The following CADPS2 variants were observed in gnomAD, a reference collection of about 807,000 sequenced individuals.
The protein encoded by CADPS2 is calcium-dependent secretion activator 2.
A neutral mutation model predicts 172.5 loss-of-function variants in CADPS2; 93 were observed. The ratio of observed to expected loss-of-function variants is 0.54; its 90% confidence interval spans 0.46 to 0.64. CADPS2 has a LOEUF of 0.64. Among genes scored for constraint, CADPS2 ranks in the 30% least tolerant of loss-of-function variants. The pLI is 0.00. For synonymous variants in CADPS2, 546 were observed against 555.2 expected, an observed-to-expected ratio of 0.98 and a Z score of 0.23; for missense variants, 1,420 against 1,565.9, an observed-to-expected ratio of 0.91 and a Z score of 1.57.
chr7:122,510,719 C>A (rs2059948010), intron 9 of CADPS2, among the ~76,000 whole-genome samples: 1 of 152,142 alleles, frequency 6.6e-6, no homozygotes, highest in African/African-American at 2.4e-5. Flanking sequence ...AATAATGCAG[C>A]CTGCAGGTAT....
At chr7:122,511,387 CT>C (rs2059991483) in intron 9 of CADPS2, among the ~76,000 whole-genome samples, 1 of 152,090 alleles carries the variant, frequency 6.6e-6, no homozygotes, top group Non-Finnish European at 1.5e-5. Flanking sequence ...CAAAAGATTA[CT>C]TGGAACCTTA....
At chr7:122,534,698 A>T (rs1162616771) in intron 8 of CADPS2, among the ~76,000 whole-genome samples, 1 of 152,140 alleles carries the variant, frequency 6.6e-6, no homozygotes. Flanking sequence ...AGTAATGTAC[A>T]TCAATGGAAA....
At position 122,541,628 on chromosome 7, in the gene CADPS2, T is replaced by G. The variant is rs925973652; in HGVS notation, c.1475+12922A>C. 6.2e-5 allele frequency among the ~76,000 whole-genome samples: 9 copies of G among 146,204 alleles called. No homozygotes were observed. The South Asian group carries it at 1.9e-3, about 31-fold the overall frequency. The stretch of plus-strand genomic sequence containing the variant: ...ATATATTCACATATATCCATATATA[T>G]TTTCATATATTCATATATATTCATA... On this transcript the variant is annotated intron_variant, in intron 8 of 29. Coordinates refer to ENST00000449022, the MANE Select transcript of CADPS2 (RefSeq NM_017954.11).
At chr7:122,346,059 T>G (rs185042019) in intron 27 of CADPS2, among the ~76,000 whole-genome samples, 75 of 152,186 alleles carry the variant, frequency 4.9e-4, no homozygotes, top group Non-Finnish European at 7.1e-4. Context: ...CATCTCTGGC[T>G]GGCTTATCAA....
chr7:122,524,454 G>A (rs1161359949), intron 8 of CADPS2, among the ~76,000 whole-genome samples: 1 of 152,104 alleles, frequency 6.6e-6, no homozygotes, highest in East Asian at 1.9e-4. Context: ...GAGATACAGT[G>A]TTTTCCACAG....
At position 122,740,595 on chromosome 7, in the gene CADPS2, C is replaced by T. The variant is rs189410555; in HGVS notation, c.340-3527G>A. Among the ~76,000 whole-genome samples, 285 of 152,070 alleles carry T rather than the reference C, an allele frequency of 1.9e-3. 1 individual carries two copies. Among genetic ancestry groups the T allele is most frequent in the Non-Finnish European group, 2.1e-3 (141 of 67,958 alleles). ...ATATATGGGAAATTTCTGTACCATCCACTCAAGCTCAATTTTGTTGTGAAA... is the reference window on the plus strand; with the variant it reads ...ATATATGGGAAATTTCTGTACCATCTACTCAAGCTCAATTTTGTTGTGAAA... On this transcript the variant is annotated intron_variant, in intron 1 of 29. Transcript: ENST00000449022.
chr7:122,810,982 T>C (rs932476341), intron 1 of CADPS2, among the ~76,000 whole-genome samples: 1 of 152,230 alleles, frequency 6.6e-6, no homozygotes, highest in Non-Finnish European at 1.5e-5. Context: ...GCAACTAATA[T>C]ATTCTAGTGC....
At position 122,484,666 on chromosome 7, in the gene CADPS2, C is replaced by CT. The variant is rs34182273; in HGVS notation, c.1853-3807dup. 4.0e-3 allele frequency among the ~76,000 whole-genome samples: 581 copies of CT among 145,834 alleles called. 2 individuals carry two copies. Among genetic ancestry groups the CT allele is most frequent in the Non-Finnish European group, 6.3e-3 (414 of 66,060 alleles). ...TGGACTTCATCAAAATTAAGAATTT[C>CT]TTTTTTTTTTTTTCTGAAAGTCACT... On this transcript the variant is annotated intron_variant, in intron 11 of 29. Transcript: ENST00000449022.
chr7:122,695,110 T>C lies in CADPS2; in HGVS notation c.454-31541A>G, dbSNP rs539844223. ...GGACAGTTGCATTATAATAATTCTA[T>C]AGCAAGAGATAGGGATATTATCAAT... On this transcript the variant is annotated intron_variant, in intron 2 of 29. Coordinates refer to ENST00000449022, the MANE Select transcript of CADPS2 (RefSeq NM_017954.11). Among the ~76,000 whole-genome samples, 209 of 152,306 alleles carry C rather than the reference T, an allele frequency of 1.4e-3. 1 individual carries two copies. The highest frequency in any genetic ancestry group is 2.7e-3 in the Non-Finnish European group (183 of 68,034).
chr7:122,605,847 T>C (rs1168816678), intron 6 of CADPS2, among the ~76,000 whole-genome samples: 1 of 152,158 alleles, frequency 6.6e-6, no homozygotes, highest in Non-Finnish European at 1.5e-5. Flanking sequence ...TTAGTTCATG[T>C]ATCCATAGAT....
Position 122,360,788 on chromosome 7 carries a change from T to C in CADPS2, c.3504A>G (p.Pro1168=). The change falls in exon 27 of 30, where the codon CCA becomes CCG. Residue 1168 remains proline, a splice_region_variant and synonymous_variant. Transcript: ENST00000449022. ...TAAAAAGCAGATAAAAAATACTTAC[T>C]GGAACATCAACATATTTTGCAGCTG... ...VKAAAKYVDV[P]KPGMDLADTY... 3.2e-6 allele frequency: 5 copies of C among 1,554,406 alleles called. No homozygotes were observed. Among genetic ancestry groups the C allele is most frequent in the Non-Finnish European group, 3.5e-6 (4 of 1,149,998 alleles).
In CADPS2 at chr7:122,620,493, C is replaced by G. The variant is rs114454810; in HGVS notation, c.1104+988G>C. The stretch of plus-strand genomic sequence containing the variant: ...ATATAACTAGATAAGCCCACATACA[C>G]ACATCATCAATGAAGAGATATCATG... On this transcript the variant is annotated intron_variant, in intron 5 of 29. Transcript: ENST00000449022. 2.9e-3 allele frequency among the ~76,000 whole-genome samples: 441 copies of G among 152,190 alleles called. 6 individuals carry two copies. Among genetic ancestry groups the G allele is most frequent in the African/African-American group, 9.9e-3 (409 of 41,514 alleles).
intron 25 of CADPS2, among the ~76,000 whole-genome samples, chr7:122,374,623 A>C (rs1315272950): frequency 6.6e-6 from 1 of 152,122 alleles, no homozygotes; most frequent in East Asian, 1.9e-4. Context: ...AACTATCACA[A>C]GATCAGAAAA....
At chr7:122,864,771 C>G (rs1393362271) in intron 1 of CADPS2, among the ~76,000 whole-genome samples, 1 of 152,162 alleles carries the variant, frequency 6.6e-6, no homozygotes, top group Non-Finnish European at 1.5e-5. Flanking sequence ...GGGCCCTAGA[C>G]TCCTTCCAAC....
chr7:122,412,511 C>T (rs538139597), intron 19 of CADPS2, among the ~76,000 whole-genome samples: 14 of 152,308 alleles, frequency 9.2e-5, no homozygotes, highest in African/African-American at 3.4e-4. Context: ...TGTGTTCACA[C>T]TGAACTCTCA....
At chr7:122,884,653 T>A (rs1428881100) in intron 1 of CADPS2, among the ~76,000 whole-genome samples, 2 of 152,202 alleles carry the variant, frequency 1.3e-5, no homozygotes, top group Admixed American at 1.3e-4. Flanking sequence ...AGTTTGTGTG[T>A]GTTTTAAAAA....
chr7:122,348,796 T>C (rs1200638038), intron 27 of CADPS2, among the ~76,000 whole-genome samples: 1 of 152,220 alleles, frequency 6.6e-6, no homozygotes, highest in Non-Finnish European at 1.5e-5. Flanking sequence ...TTGTAGTTCT[T>C]TAAAACACTT....
intron 6 of CADPS2, among the ~76,000 whole-genome samples, chr7:122,604,936 T>C (rs1381315380): frequency 1.3e-5 from 2 of 151,964 alleles, no homozygotes; most frequent in Non-Finnish European, 1.5e-5. Context: ...AATCACAGAG[T>C]GTACTTATAC....
intron 14 of CADPS2, among the ~76,000 whole-genome samples, chr7:122,461,459 A>G (rs2054419344): frequency 6.6e-6 from 1 of 152,204 alleles, no homozygotes; most frequent in Non-Finnish European, 1.5e-5. Context: ...AAAGAAATCC[A>G]TACAAAGAAA....
Sources: allele counts gnomAD v4.1 joint callset (sites outside exome capture counted in the v4.1 genomes callset), GRCh38; gene constraint gnomAD v4.1.1; transcripts MANE v1.5; gene names NCBI Gene and HGNC (gene_info 2026-07-23, HGNC 2026-07-21).